The following PLS1 variants were observed in gnomAD, a reference collection of about 807,000 sequenced individuals.
PLS1 encodes plastin-1.
In PLS1, 32 loss-of-function variants were observed where a neutral mutation model predicts 73.7. That is an observed-to-expected ratio of 0.43 (90% CI 0.33 to 0.58). PLS1 has a LOEUF of 0.58. PLS1 is among the 20% of genes least tolerant of loss of function. The pLI, the probability that PLS1 is intolerant of heterozygous loss-of-function variation, is 0.04. For missense variants in PLS1, 633 were observed against 740.5 expected (o/e 0.85, Z 1.68); for synonymous variants, 217 against 261.3 (o/e 0.83, Z 1.63).
Position 142,669,468 on chromosome 3 carries a change from A to T in PLS1, c.149A>T (p.Tyr50Phe). 2 of 1,613,202 alleles carry T rather than the reference A, an allele frequency of 1.2e-6. No homozygotes were observed. The highest frequency in any genetic ancestry group is 1.7e-6 in the Non-Finnish European group (2 of 1,179,152). ...GAAGCAAGCCTTCCTCTGCCTGGCT[A>T]CAAGGTGCGCGAGATTGTGGAGAAA... ...FKEASLPLPG[Y>F]KVREIVEKIL... The change falls in exon 3 of 16, where the codon TAC (tyrosine) becomes TTC (phenylalanine). Residue 50 changes from tyrosine (Y) to phenylalanine (F), a missense_variant. Transcript: ENST00000457734.
chr3:142,599,175 A>G (rs542568203), intron 1 of PLS1, among the ~76,000 whole-genome samples: 1 of 144,622 alleles, frequency 6.9e-6, no homozygotes, highest in Admixed American at 6.8e-5. Context: ...TACATGAATG[A>G]ATGAATAAAT....
intron 1 of PLS1, chr3:142,645,506 C>G (rs1277889651): frequency 6.6e-6 from 1 of 152,172 alleles, no homozygotes; most frequent in African/African-American, 2.4e-5. Context: ...ATCAGAATCT[C>G]TCTTGTGTTG....
At chr3:142,707,770 T>C (rs935194767) in intron 14 of PLS1, among the ~76,000 whole-genome samples, 2 of 152,068 alleles carry the variant, frequency 1.3e-5, no homozygotes, top group African/African-American at 4.8e-5. Flanking sequence ...AGGTGGCAAA[T>C]AAGAAAACAA....
At chr3:142,707,065 C>G (rs2038477056) in intron 14 of PLS1, among the ~76,000 whole-genome samples, 1 of 152,196 alleles carries the variant, frequency 6.6e-6, no homozygotes, top group Admixed American at 6.5e-5. Flanking sequence ...CCCTAGAGAA[C>G]AGCCGACCTG....
intron 9 of PLS1, 97 bp from the exon 10 acceptor site, chr3:142,689,521 T>C (rs1577896246): frequency 3.9e-6 from 2 of 506,370 alleles, no homozygotes; most frequent in East Asian, 6.8e-5. Context: ...TATTATTTGA[T>C]ATATTTGTGG....
chr3:142,643,961 C>T (rs778731215), intron 1 of PLS1, among the ~76,000 whole-genome samples: 1 of 151,268 alleles, frequency 6.6e-6, no homozygotes, highest in Non-Finnish European at 1.5e-5. Context: ...TCCCAAGTTG[C>T]TGGGATTACA....
chr3:142,648,982 T>A (rs2037019895), intron 1 of PLS1, among the ~76,000 whole-genome samples: 1 of 152,144 alleles, frequency 6.6e-6, no homozygotes, highest in Admixed American at 6.6e-5. Context: ...ATATATATAT[T>A]TTTTACTCTC....
intron 1 of PLS1, among the ~76,000 whole-genome samples, chr3:142,643,640 G>A (rs940299614): frequency 3.3e-5 from 5 of 151,860 alleles, no homozygotes; most frequent in Non-Finnish European, 5.9e-5. Flanking sequence ...GAATGGAGAG[G>A]GATCTACATA....
chr3:142,599,906 G>A (rs183423257), intron 1 of PLS1, among the ~76,000 whole-genome samples: 1 of 152,224 alleles, frequency 6.6e-6, no homozygotes, highest in African/African-American at 2.4e-5. Context: ...ACAGGCACGT[G>A]CCACCATGCG....
chr3:142,629,707 T>C (rs1325182616), intron 1 of PLS1, among the ~76,000 whole-genome samples: 2 of 152,182 alleles, frequency 1.3e-5, no homozygotes, highest in African/African-American at 4.8e-5. Context: ...ATGTACAGCT[T>C]ATTGGGTACT....
At chr3:142,632,212 C>T (rs1270832786) in intron 1 of PLS1, among the ~76,000 whole-genome samples, 2 of 152,096 alleles carry the variant, frequency 1.3e-5, no homozygotes, top group African/African-American at 4.8e-5. Flanking sequence ...TCAGTACACT[C>T]CTCCACTTAT....
intron 1 of PLS1, among the ~76,000 whole-genome samples, chr3:142,658,396 A>G (rs2037288024): frequency 6.6e-6 from 1 of 151,874 alleles, no homozygotes; most frequent in Admixed American, 6.6e-5. Context: ...AAATTGCTTA[A>G]ACCTGGGAGG....
chr3:142,652,007 G>C (rs1021007573), intron 1 of PLS1, among the ~76,000 whole-genome samples: 1 of 152,128 alleles, frequency 6.6e-6, no homozygotes, highest in Non-Finnish European at 1.5e-5. Flanking sequence ...GGGATTTCCA[G>C]GGGGTAGGCA....
chr3:142,597,884 G>A (rs1388068217), intron 1 of PLS1, among the ~76,000 whole-genome samples: 1 of 152,150 alleles, frequency 6.6e-6, no homozygotes, highest in Non-Finnish European at 1.5e-5. Context: ...CTCTTACTAA[G>A]CTTCCTAGTA....
intron 1 of PLS1, among the ~76,000 whole-genome samples, chr3:142,632,611 T>TG (rs1553782465): frequency 4.6e-5 from 7 of 151,382 alleles, no homozygotes; most frequent in Admixed American, 2.0e-4. Flanking sequence ...TTTTTTTTTT[T>TG]CCCCTGAGAC....
At chr3:142,654,714 A>C (rs934289192) in intron 1 of PLS1, 2 of 152,246 alleles carry the variant, frequency 1.3e-5, no homozygotes, top group Admixed American at 6.5e-5. Flanking sequence ...GGATTAAAAA[A>C]TTTGAATGCT....
At position 142,713,483 on chromosome 3, in the gene PLS1, GATT is replaced by G. The variant is rs1933228482; in HGVS notation, c.*1477_*1479del. The G allele has an allele frequency of 6.6e-6, 1 of 152,388 alleles. No individual in the cohort carries two copies. Among genetic ancestry groups the G allele is most frequent in the Non-Finnish European group, 1.5e-5 (1 of 67,972 alleles). 9.4% of individuals were successfully genotyped at this position (152,388 alleles called of 1,614,324 possible). A position where few individuals can be genotyped will look rare whatever the true frequency, so the allele number is the denominator to read the frequency against. Reference sequence around the variant, plus strand: ...ATTTCTTTCCCTTTTATATTTTGATGATTGTTTTCTTAAGATTAAGATATGTTC... The same window carrying G: ...ATTTCTTTCCCTTTTATATTTTGATGGTTTTCTTAAGATTAAGATATGTTC... On this transcript the variant is annotated 3_prime_UTR_variant, in exon 16 of 16. Transcript: ENST00000457734.
chr3:142,635,892 C>G (rs1268219602), intron 1 of PLS1, among the ~76,000 whole-genome samples: 1 of 151,892 alleles, frequency 6.6e-6, no homozygotes, highest in Admixed American at 6.6e-5. Context: ...TTGTTTGTTT[C>G]TTTGTTTGTT....
intron 4 of PLS1, 98 bp downstream of exon 4, chr3:142,671,220 C>A (rs894744971): frequency 2.8e-6 from 3 of 1,071,894 alleles, no homozygotes; most frequent in Admixed American, 2.1e-5. Context: ...TGATTCATAC[C>A]GTTATTTTAT....
Sources: allele counts gnomAD v4.1 joint callset (sites outside exome capture counted in the v4.1 genomes callset), GRCh38; gene constraint gnomAD v4.1.1; transcripts MANE v1.5; gene names NCBI Gene and HGNC (gene_info 2026-07-23, HGNC 2026-07-21).